The following RORA variants were observed in gnomAD, a reference collection of about 807,000 sequenced individuals.
RORA encodes the protein nuclear receptor ROR-alpha.
In RORA, 7 loss-of-function variants were observed where a neutral mutation model predicts 69.5. That is an observed-to-expected ratio of 0.10 (90% CI 0.06 to 0.19). The LOEUF (loss-of-function observed/expected upper bound fraction) is 0.19, where lower values mean the gene tolerates loss of function less well. Among genes scored for constraint, RORA ranks in the 10% least tolerant of loss-of-function variants. The pLI is 1.00. For missense variants in RORA, 457 were observed against 663.0 expected (o/e 0.69, Z 3.41); for synonymous variants, 261 against 240.8 (o/e 1.08, Z -0.78).
intron 1 of RORA, among the ~76,000 whole-genome samples, chr15:60,739,996 T>C (rs1459495182): frequency 1.3e-5 from 2 of 152,108 alleles, no homozygotes; most frequent in African/African-American, 4.8e-5. Flanking sequence ...AGAAAGAGAT[T>C]TGTCCATCTC....
intron 1 of RORA, among the ~76,000 whole-genome samples, chr15:61,095,050 A>G (rs565667488): frequency 4.6e-5 from 7 of 152,356 alleles, no homozygotes; most frequent in South Asian, 2.1e-4. Flanking sequence ...TGGGGACTCA[A>G]TAAAGGTTAC....
At chr15:60,533,093 C>A (rs896638394) in intron 2 of RORA, among the ~76,000 whole-genome samples, 1 of 152,172 alleles carries the variant, frequency 6.6e-6, no homozygotes, top group East Asian at 1.9e-4. Context: ...ATGTTGCATT[C>A]GATACTTAGA....
chr15:60,626,813 A>G (rs1330696214), intron 2 of RORA, among the ~76,000 whole-genome samples: 3 of 152,236 alleles, frequency 2.0e-5, no homozygotes, highest in South Asian at 2.1e-4. Flanking sequence ...TCTGATAGTA[A>G]CTGACTCACT....
Position 60,496,885 on chromosome 15 carries a change from C to CTA in RORA, c.*568_*569dup, listed in dbSNP as rs1173274211. On this transcript the variant is annotated 3_prime_UTR_variant, in exon 11 of 11. Coordinates refer to ENST00000335670, the MANE Select transcript of RORA (RefSeq NM_134261.3). This position sits in a 1 kb window ranked among gnomAD's most constrained non-coding sequence, Gnocchi z 4.5. ...AATATATAAACAATATCTCTTTTAGCTATATATAGTCTTCATGCCCATTTA... is the reference window on the plus strand; with the variant it reads ...AATATATAAACAATATCTCTTTTAGCTATATATATAGTCTTCATGCCCATTTA... The CTA allele has an allele frequency of 2.0e-5, 3 of 152,200 alleles. No homozygotes were observed. The highest frequency in any genetic ancestry group is 7.2e-5 in the African/African-American group (3 of 41,438). The allele number at this position is 152,200 out of a possible 1,614,324, so 9.4% of individuals were successfully genotyped here.
In RORA at chr15:61,039,704, C is replaced by G. The variant is rs61285928; in HGVS notation, c.166+189349G>C. Among the ~76,000 whole-genome samples, 1,048 of 146,598 alleles carry G rather than the reference C, an allele frequency of 7.1e-3. 17 individuals carry two copies. Among genetic ancestry groups the G allele is most frequent in the African/African-American group, 0.026 (1,008 of 39,122 alleles). On this transcript the variant is annotated intron_variant, in intron 1 of 10. Coordinates refer to ENST00000335670, the MANE Select transcript of RORA (RefSeq NM_134261.3). ...ACGTTACAGTGAGCCAAGATTGCAC[C>G]ACTGTACTCCAGCCTGGGCGACAGA...
At chr15:60,944,953 G>C (rs972812931) in intron 1 of RORA, among the ~76,000 whole-genome samples, 1 of 152,108 alleles carries the variant, frequency 6.6e-6, no homozygotes, top group Non-Finnish European at 1.5e-5. Context: ...TTTCCATAGG[G>C]TCCACAGCTC....
chr15:60,954,439 T>TA (rs34360652), intron 1 of RORA, among the ~76,000 whole-genome samples: 38,675 of 135,252 alleles, frequency 0.29, 5,550 homozygotes, highest in Non-Finnish European at 0.36. Context: ...ACTTAAAGTA[T>TA]AAAAAAAAAA....
intron 2 of RORA, among the ~76,000 whole-genome samples, chr15:60,568,310 G>A (rs2067774754): frequency 6.6e-6 from 1 of 152,170 alleles, no homozygotes; most frequent in African/African-American, 2.4e-5. Context: ...GCATCCTGAG[G>A]GTAGTGATGC....
chr15:61,132,399 T>A (rs537709026), intron 1 of RORA, among the ~76,000 whole-genome samples: 14 of 152,192 alleles, frequency 9.2e-5, no homozygotes, highest in Admixed American at 6.5e-4. Flanking sequence ...GTTTACAAAG[T>A]TTTTTCACGG....
At chr15:60,696,806 T>C (rs2070913673) in intron 1 of RORA, among the ~76,000 whole-genome samples, 1 of 152,172 alleles carries the variant, frequency 6.6e-6, no homozygotes. Context: ...ACTAAATGCA[T>C]TATTTCTGCT....
At chr15:60,888,281 A>G (rs1415465865) in intron 1 of RORA, among the ~76,000 whole-genome samples, 3 of 152,128 alleles carry the variant, frequency 2.0e-5, no homozygotes, top group Admixed American at 6.5e-5. Context: ...AGGTCTGACC[A>G]CCCCACCTCA....
intron 1 of RORA, among the ~76,000 whole-genome samples, chr15:60,808,683 C>T (rs2072695139): frequency 6.7e-6 from 1 of 148,964 alleles, no homozygotes; most frequent in African/African-American, 2.5e-5. Flanking sequence ...AATATATAAA[C>T]ATATATATGT....
intron 1 of RORA, among the ~76,000 whole-genome samples, chr15:60,754,998 A>G (rs1390687059): frequency 6.9e-6 from 1 of 144,786 alleles, no homozygotes; most frequent in Non-Finnish European, 1.5e-5. Context: ...TTTTTTTTAT[A>G]TATACTTTAA....
intron 1 of RORA, among the ~76,000 whole-genome samples, chr15:61,169,251 T>C (rs962264287): frequency 2.6e-5 from 4 of 151,540 alleles, no homozygotes; most frequent in African/African-American, 9.7e-5. Flanking sequence ...CTTGCACTCT[T>C]ACAGCCCTGT....
intron 2 of RORA, among the ~76,000 whole-genome samples, chr15:60,640,989 A>G (rs931075582): frequency 7.2e-5 from 11 of 152,086 alleles, no homozygotes; most frequent in South Asian, 2.1e-4. Flanking sequence ...ATCTCGCTCT[A>G]TTGCCCAGGT....
chr15:60,827,672 A>G (rs2072984281), intron 1 of RORA, among the ~76,000 whole-genome samples: 1 of 152,018 alleles, frequency 6.6e-6, no homozygotes, highest in African/African-American at 2.4e-5. Flanking sequence ...CCTGGGAGAG[A>G]GGGGGCTCCT....
At position 61,201,088 on chromosome 15, in the gene RORA, A is replaced by G. The variant is rs191566453; in HGVS notation, c.166+27965T>C. ...TCTTTCATGCCATCCTTTGAATTAT[A>G]TTCAGGTTTTTATTTGGAAAGTTAA... is the stretch of plus-strand genomic sequence containing the variant. On this transcript the variant is annotated intron_variant, in intron 1 of 10. Transcript: ENST00000335670. 3.3e-3 allele frequency among the ~76,000 whole-genome samples: 510 copies of G among 152,310 alleles called. 8 individuals carry two copies. Among genetic ancestry groups the G allele is most frequent in the Non-Finnish European group, 1.4e-3 (94 of 68,032 alleles).
intron 1 of RORA, among the ~76,000 whole-genome samples, chr15:60,997,039 T>TTGTGTGTGTGTGTGTG (rs10687177): frequency 1.9e-4 from 28 of 148,424 alleles, no homozygotes; most frequent in African/African-American, 6.5e-4. Context: ...ATATTGGGGT[T>TTGTGTGTGTGTGTGTG]TGTGTGTGTG....
chr15:61,166,594 T>C (rs894008313), intron 1 of RORA, among the ~76,000 whole-genome samples: 1 of 152,070 alleles, frequency 6.6e-6, no homozygotes, highest in African/African-American at 2.4e-5. Flanking sequence ...CACAGCAGCA[T>C]GATATTATAG....
Sources: gnomAD v4.1 joint callset for allele counts (sites outside exome capture counted in the v4.1 genomes callset) on GRCh38, gnomAD v4.1.1 for gene constraint, Gnocchi (gnomAD v3.1) non-coding constraint, MANE v1.5 for transcripts, NCBI Gene and HGNC (gene_info 2026-07-23, HGNC 2026-07-21) for gene names.